Variants in SLC2A13 observed in about 807,000 individuals in gnomAD.
The protein encoded by SLC2A13 is proton myo-inositol cotransporter.
In SLC2A13, 32 loss-of-function variants were observed where a neutral mutation model predicts 64.4. The ratio of observed to expected loss-of-function variants is 0.50; its 90% CI spans 0.37 to 0.67. The LOEUF is 0.67. SLC2A13 is among the 30% of genes least tolerant of loss of function. The probability of loss-of-function intolerance (pLI) is 0.00; values close to 1 mark genes in which losing one functional copy is unlikely to be tolerated. For missense variants in SLC2A13, 743 were observed against 829.2 expected (o/e 0.90, Z 1.28); for synonymous variants, 338 against 327.1 (o/e 1.03, Z -0.36).
At chr12:39,977,714 C>A (rs1406275024) in intron 3 of SLC2A13, among the ~76,000 whole-genome samples, 1 of 152,218 alleles carries the variant, frequency 6.6e-6, no homozygotes, top group African/African-American at 2.4e-5. Flanking sequence ...TCACTCTCTG[C>A]TAATCAAGGT....
chr12:39,974,988 T>C (rs1946735380), intron 3 of SLC2A13, among the ~76,000 whole-genome samples: 1 of 152,240 alleles, frequency 6.6e-6, no homozygotes, highest in Admixed American at 6.5e-5. Context: ...ACTTTTCCAT[T>C]CAGAAATCTT....
At chr12:39,903,851 T>G (rs1945200200) in intron 4 of SLC2A13, among the ~76,000 whole-genome samples, 1 of 152,106 alleles carries the variant, frequency 6.6e-6, no homozygotes, top group African/African-American at 2.4e-5. Flanking sequence ...GAAGGAAGAT[T>G]GAGTGGCCTC....
intron 1 of SLC2A13, among the ~76,000 whole-genome samples, chr12:40,075,709 C>T (rs1938144526): frequency 6.6e-6 from 1 of 152,130 alleles, no homozygotes; most frequent in African/African-American, 2.4e-5. Context: ...TGTTTTTCCT[C>T]TTCTGGCATT....
chr12:39,896,522 A>G (rs1351909681), intron 4 of SLC2A13, among the ~76,000 whole-genome samples: 1 of 136,762 alleles, frequency 7.3e-6, no homozygotes, highest in Non-Finnish European at 1.6e-5. Context: ...GTGTGTATAC[A>G]TGTATACATG....
intron 4 of SLC2A13, among the ~76,000 whole-genome samples, chr12:39,903,569 A>G (rs1945193280): frequency 6.6e-6 from 1 of 152,074 alleles, no homozygotes; most frequent in Admixed American, 6.6e-5. Flanking sequence ...AGAGGTAGGT[A>G]CGTGGCAAAA....
At chr12:40,051,759 C>T (rs530412689) in intron 1 of SLC2A13, among the ~76,000 whole-genome samples, 4 of 152,086 alleles carry the variant, frequency 2.6e-5, no homozygotes, top group South Asian at 4.1e-4. Flanking sequence ...GAAGGGGTGG[C>T]GGACTACTTT....
rs556560677 is a variant in SLC2A13 at position 39,823,423 on chromosome 12, G to A, written c.1445+6680C>T. Among the ~76,000 whole-genome samples the A allele has an allele frequency of 4.6e-5, 7 of 150,772 alleles. No individual in the cohort carries two copies. In the East Asian group the frequency reaches 1.5e-3, roughly 31 times the overall value. On this transcript the variant is annotated intron_variant, in intron 7 of 9. Coordinates refer to ENST00000280871, the MANE Select transcript of SLC2A13 (RefSeq NM_052885.4). ...TAAATTTCATTTTCTAAATACAAAA[G>A]TGATATCTCTTTTCAAAAATTTTAA...
chr12:40,037,412 A>T (rs1948008323), intron 2 of SLC2A13, among the ~76,000 whole-genome samples: 1 of 152,036 alleles, frequency 6.6e-6, no homozygotes, highest in South Asian at 2.1e-4. Context: ...TAAGCTCAGG[A>T]TTTCAAAACC....
chr12:39,853,018 T>C (rs1318578883), intron 6 of SLC2A13, among the ~76,000 whole-genome samples: 1 of 152,238 alleles, frequency 6.6e-6, no homozygotes, highest in East Asian at 1.9e-4. Context: ...CTGTGGAGTT[T>C]ACTTTTGTTT....
At position 39,756,819 on chromosome 12, in the gene SLC2A13, A is replaced by G. The variant is rs1939980163; in HGVS notation, c.*3207T>C. On this transcript the variant is annotated 3_prime_UTR_variant, in exon 10 of 10. Transcript: ENST00000280871. ...TTTCCCCTTTTAGAGTGAATAACTT[A>G]ATATTTAGACTCTTATGTACTAAAA... The G allele has an allele frequency of 6.6e-6, 1 of 151,730 alleles. No individual in the cohort carries two copies. Among genetic ancestry groups the G allele is most frequent in the African/African-American group, 2.4e-5 (1 of 41,400 alleles). The allele number at this position is 151,730 out of a possible 1,614,324, so 9.4% of individuals were successfully genotyped here. A position where few individuals can be genotyped will look rare whatever the true frequency, so the allele number is the denominator to read the frequency against.
chr12:39,951,813 A>G (rs1476359386), intron 3 of SLC2A13, among the ~76,000 whole-genome samples: 1 of 152,204 alleles, frequency 6.6e-6, no homozygotes, highest in Non-Finnish European at 1.5e-5. Flanking sequence ...ATTCATTAAG[A>G]AGAATTAAAG....
At chr12:39,802,548 C>A (rs1354775479) in intron 7 of SLC2A13, among the ~76,000 whole-genome samples, 1 of 152,126 alleles carries the variant, frequency 6.6e-6, no homozygotes, top group African/African-American at 2.4e-5. Flanking sequence ...GGTGTACAAG[C>A]AGAGATACCC....
rs1045332186 is a variant in SLC2A13 at position 39,859,539 on chromosome 12, T to G, written c.1319+5223A>C. 3.3e-5 allele frequency among the ~76,000 whole-genome samples: 5 copies of G among 152,080 alleles called. No homozygotes were observed. In the South Asian group the frequency reaches 1.0e-3, roughly 32 times the overall value. The stretch of plus-strand genomic sequence containing the variant: ...GAGAAGTTTTTGTTTGTTTGCTTTT[T>G]AAGACAGAGTCTCCCTCTTGTCACC... On this transcript the variant is annotated intron_variant, in intron 6 of 9. Transcript: ENST00000280871.
intron 7 of SLC2A13, 59 bp from the exon 8 acceptor site, chr12:39,764,917 T>A: frequency 6.4e-7 from 1 of 1,557,542 alleles, no homozygotes; most frequent in Non-Finnish European, 8.8e-7. Context: ...TTGCAGAAAT[T>A]CAATATGATC....
chr12:39,793,094 T>C (rs1941461044), intron 7 of SLC2A13, among the ~76,000 whole-genome samples: 1 of 152,210 alleles, frequency 6.6e-6, no homozygotes, highest in African/African-American at 2.4e-5. Context: ...TACCATCATA[T>C]ATGTAGAAAA....
intron 1 of SLC2A13, among the ~76,000 whole-genome samples, chr12:40,103,971 A>G (rs1019134116): frequency 4.6e-5 from 7 of 152,228 alleles, no homozygotes; most frequent in African/African-American, 1.7e-4. Context: ...CACTACTGAC[A>G]AACTTTGAAT....
intron 3 of SLC2A13, among the ~76,000 whole-genome samples, chr12:40,024,244 A>G (rs1047008183): frequency 1.5e-4 from 22 of 149,404 alleles, no homozygotes; most frequent in Admixed American, 1.3e-3. Context: ...TTTGCTTTCA[A>G]TTCTGAAAAC....
chr12:39,844,909 A>AT (rs35092395), intron 6 of SLC2A13, among the ~76,000 whole-genome samples: 1 of 152,086 alleles, frequency 6.6e-6, no homozygotes, highest in African/African-American at 2.4e-5. Flanking sequence ...AGAAATACTC[A>AT]TTTTTAGATC....
intron 7 of SLC2A13, among the ~76,000 whole-genome samples, chr12:39,785,314 CA>C (rs890224732): frequency 3.3e-5 from 5 of 152,216 alleles, no homozygotes; most frequent in African/African-American, 1.2e-4. Flanking sequence ...GGCCAACATA[CA>C]GCTCTGGCTG....
Sources: allele counts gnomAD v4.1 joint callset (sites outside exome capture counted in the v4.1 genomes callset), GRCh38; gene constraint gnomAD v4.1.1; transcripts MANE v1.5; gene names NCBI Gene and HGNC (gene_info 2026-07-23, HGNC 2026-07-21).